The following STAG1 variants were observed in gnomAD, a reference collection of about 807,000 sequenced individuals.
STAG1 encodes the protein STAG1 cohesin complex component.
STAG1 carries 26 observed loss-of-function variants against 170.9 expected under a neutral mutation model. The ratio of observed to expected loss-of-function variants is 0.15; its 90% confidence interval spans 0.11 to 0.21. STAG1 has a LOEUF of 0.21. Among genes scored for constraint, STAG1 ranks in the 10% least tolerant of loss-of-function variants. The pLI, the probability that STAG1 is intolerant of heterozygous loss-of-function variation, is 1.00. For missense variants in STAG1, 964 were observed against 1,509.5 expected (o/e 0.64, Z 5.99); for synonymous variants, 514 against 497.7 (o/e 1.03, Z -0.44).
At chr3:136,458,137 GT>G (rs965528157) in intron 13 of STAG1, among the ~76,000 whole-genome samples, 1 of 151,528 alleles carries the variant, frequency 6.6e-6, no homozygotes, top group Non-Finnish European at 1.5e-5. Flanking sequence ...TTTTTTCTGT[GT>G]TTTTTTTCTG....
At chr3:136,624,026 A>T (rs1002800908) in intron 2 of STAG1, among the ~76,000 whole-genome samples, 3 of 151,672 alleles carry the variant, frequency 2.0e-5, no homozygotes, top group African/African-American at 7.3e-5. Flanking sequence ...AACACAAAAC[A>T]CTCTTTATTG....
At chr3:136,559,287 A>G (rs1936747351) in intron 5 of STAG1, among the ~76,000 whole-genome samples, 1 of 152,242 alleles carries the variant, frequency 6.6e-6, no homozygotes, top group Non-Finnish European at 1.5e-5. Flanking sequence ...CCAGATGCAG[A>G]TACTAAAACA....
intron 1 of STAG1, among the ~76,000 whole-genome samples, chr3:136,697,027 G>A (rs1942914521): frequency 6.6e-6 from 1 of 152,196 alleles, no homozygotes; most frequent in African/African-American, 2.4e-5. Flanking sequence ...TACTCAGGGT[G>A]GAGGAACGTT....
intron 1 of STAG1, among the ~76,000 whole-genome samples, chr3:136,635,435 C>A (rs1940513218): frequency 6.6e-6 from 1 of 152,152 alleles, no homozygotes; most frequent in Non-Finnish European, 1.5e-5. Flanking sequence ...ATAATAAATA[C>A]TCTCAGTAAA....
chr3:136,714,428 AG>A (rs551936313), intron 1 of STAG1, among the ~76,000 whole-genome samples: 2 of 152,068 alleles, frequency 1.3e-5, no homozygotes, highest in South Asian at 4.2e-4. Flanking sequence ...ACTCATCTCT[AG>A]GAAAAATAAG....
At chr3:136,497,430 TCAC>T in intron 9 of STAG1, among the ~76,000 whole-genome samples, 1 of 152,244 alleles carries the variant, frequency 6.6e-6, no homozygotes, top group Non-Finnish European at 1.5e-5. Context: ...GAACATAAAT[TCAC>T]CACATTAAGT....
intron 22 of STAG1, among the ~76,000 whole-genome samples, chr3:136,394,569 A>T (rs903208355): frequency 6.6e-6 from 1 of 151,878 alleles, no homozygotes; most frequent in African/African-American, 2.4e-5. Context: ...TGAGTCTAGG[A>T]GTTTGAGACT....
Position 136,503,178 on chromosome 3 carries a change from GTC to G in STAG1, c.677-401_677-400del, listed in dbSNP as rs150060165. Among the ~76,000 whole-genome samples the G allele has an allele frequency of 9.3e-3, 1,417 of 152,238 alleles. 78 individuals carry two copies. Among genetic ancestry groups the G allele is most frequent in the Admixed American group, 0.076 (1,168 of 15,278 alleles). On this transcript the variant is annotated intron_variant, in intron 7 of 33. Coordinates refer to ENST00000383202, the MANE Select transcript of STAG1 (RefSeq NM_005862.3). Reference sequence around the variant, plus strand: ...ATCCTTAGTACCTTTACTTAAATGTGTCAAAGGTACCTTAGATGTTTTAGATG... The same window carrying G: ...ATCCTTAGTACCTTTACTTAAATGTGAAAGGTACCTTAGATGTTTTAGATG...
At chr3:136,533,884 A>G (rs1935497394) in intron 6 of STAG1, among the ~76,000 whole-genome samples, 1 of 152,210 alleles carries the variant, frequency 6.6e-6, no homozygotes, top group Non-Finnish European at 1.5e-5. Context: ...AAACAATCCT[A>G]AAGTGTGCAT....
intron 6 of STAG1, among the ~76,000 whole-genome samples, chr3:136,523,790 T>A (rs1367240302): frequency 2.0e-5 from 3 of 152,188 alleles, no homozygotes; most frequent in African/African-American, 7.2e-5. Flanking sequence ...AAGGAAGGGA[T>A]CCAATTTCAG....
chr3:136,652,800 T>C (rs1941259172), intron 1 of STAG1, among the ~76,000 whole-genome samples: 2 of 152,140 alleles, frequency 1.3e-5, no homozygotes, highest in Non-Finnish European at 2.9e-5. Context: ...ACCTCAAGAA[T>C]AGGGTTTCTC....
intron 5 of STAG1, among the ~76,000 whole-genome samples, chr3:136,568,369 A>G (rs2107761588): frequency 6.6e-6 from 1 of 152,332 alleles, no homozygotes; most frequent in Non-Finnish European, 1.5e-5. Context: ...AAACTTAACT[A>G]TAAAATGAGT....
chr3:136,653,121 A>G (rs1338860044), intron 1 of STAG1, among the ~76,000 whole-genome samples: 1 of 151,922 alleles, frequency 6.6e-6, no homozygotes, highest in Non-Finnish European at 1.5e-5. Context: ...AAAAATACAA[A>G]ATTTGCCAGG....
chr3:136,734,708 G>GTT (rs565067043), intron 1 of STAG1, among the ~76,000 whole-genome samples: 1 of 152,088 alleles, frequency 6.6e-6, no homozygotes, highest in Non-Finnish European at 1.5e-5. Flanking sequence ...CTTTAGGGGT[G>GTT]TTTTTTGTTT....
chr3:136,406,522 CATAA>C (rs1285821272), intron 21 of STAG1, among the ~76,000 whole-genome samples: 6 of 151,898 alleles, frequency 4.0e-5, no homozygotes, highest in Non-Finnish European at 7.4e-5. Context: ...TAAGACTGTA[CATAA>C]ATAAAAAATT....
chr3:136,600,899 TGTTTTGTTTG>T (rs71947888), intron 4 of STAG1, among the ~76,000 whole-genome samples: 23,473 of 134,728 alleles, frequency 0.17, 2,254 homozygotes, highest in South Asian at 0.23. Flanking sequence ...TGTTTTGTTT[TGTTTTGTTTG>T]AGAAGAAGTC....
At chr3:136,467,442 T>C (rs1173853328) in intron 12 of STAG1, among the ~76,000 whole-genome samples, 1 of 151,880 alleles carries the variant, frequency 6.6e-6, no homozygotes, top group Non-Finnish European at 1.5e-5. Flanking sequence ...AGGGATCAAG[T>C]CAACAAGAAG....
intron 16 of STAG1, among the ~76,000 whole-genome samples, chr3:136,432,520 G>GT (rs1559798066): frequency 6.9e-6 from 1 of 144,742 alleles, no homozygotes; most frequent in Non-Finnish European, 1.5e-5. Flanking sequence ...TTTTTGGGGG[G>GT]GGGGGGGCAC....
chr3:136,379,862 T>G (rs761884557), intron 22 of STAG1, among the ~76,000 whole-genome samples: 5 of 152,190 alleles, frequency 3.3e-5, no homozygotes, highest in African/African-American at 4.8e-5. Flanking sequence ...TCACGTTAAA[T>G]CATTTGAATA....
Sources: allele counts gnomAD v4.1 joint callset (sites outside exome capture counted in the v4.1 genomes callset), GRCh38; gene constraint gnomAD v4.1.1; transcripts MANE v1.5; gene names NCBI Gene and HGNC (gene_info 2026-07-23, HGNC 2026-07-21).